CDH13: variants seen among roughly 807,000 people sequenced by gnomAD.
CDH13 encodes cadherin-13.
Under a neutral mutation model 63.8 loss-of-function variants are expected in CDH13, and 24 were observed. The ratio of observed to expected loss-of-function variants is 0.38; its 90% CI spans 0.27 to 0.53. The LOEUF is 0.53. Among genes scored for constraint, CDH13 ranks in the 20% least tolerant of loss-of-function variants. CDH13 has a pLI of 0.85. For synonymous variants in CDH13, 503 were observed against 355.3 expected (o/e 1.42, Z -4.67); for missense variants, 1,049 against 903.1 (o/e 1.16, Z -2.07).
chr16:82,884,128 C>T (rs2040801663), intron 2 of CDH13: 25 of 451,090 alleles, frequency 5.5e-5, no homozygotes, highest in South Asian at 3.9e-4. Context: ...TGATTGAATG[C>T]ATGTCTGCAT....
chr16:82,820,852 C>A (rs1445171143), intron 1 of CDH13, among the ~76,000 whole-genome samples: 1 of 152,134 alleles, frequency 6.6e-6, no homozygotes. Flanking sequence ...TAACAACCAA[C>A]GTTTGACTGC....
At chr16:83,535,283 A>G (rs950160504) in intron 7 of CDH13, among the ~76,000 whole-genome samples, 1 of 152,238 alleles carries the variant, frequency 6.6e-6, no homozygotes, top group African/African-American at 2.4e-5. Flanking sequence ...TGGCCAAATT[A>G]AGGACTTGGG....
intron 2 of CDH13, among the ~76,000 whole-genome samples, chr16:82,986,676 AAACATATCTC>A (rs1910979697): frequency 6.6e-6 from 1 of 152,170 alleles, no homozygotes; most frequent in Non-Finnish European, 1.5e-5. Context: ...CCAACCACAC[AAACATATCTC>A]AAGCCTTTGC....
chr16:83,264,564 G>GTA (rs1907378156), intron 5 of CDH13, among the ~76,000 whole-genome samples: 1 of 151,500 alleles, frequency 6.6e-6, no homozygotes, highest in Admixed American at 6.6e-5. Flanking sequence ...GTGTGTGTGT[G>GTA]TGTATACATA....
intron 3 of CDH13, among the ~76,000 whole-genome samples, chr16:83,124,205 C>T (rs1030816516): frequency 6.6e-6 from 1 of 152,092 alleles, no homozygotes; most frequent in Non-Finnish European, 1.5e-5. Flanking sequence ...GCCACCATGC[C>T]TGGCTAATTT....
At chr16:83,701,678 C>G (rs2048161592) in intron 10 of CDH13, among the ~76,000 whole-genome samples, 1 of 152,176 alleles carries the variant, frequency 6.6e-6, no homozygotes, top group African/African-American at 2.4e-5. Context: ...GCGCCCTTAT[C>G]CTCTCTTCTT....
intron 3 of CDH13, among the ~76,000 whole-genome samples, chr16:83,042,209 C>T (rs904732653): frequency 2.0e-5 from 3 of 152,202 alleles, no homozygotes; most frequent in African/African-American, 4.8e-5. Flanking sequence ...TGTTAGAAAC[C>T]GGGCTGCACT....
chr16:82,979,311 A>G (rs940064189), intron 2 of CDH13, among the ~76,000 whole-genome samples: 2 of 152,068 alleles, frequency 1.3e-5, no homozygotes, highest in African/African-American at 4.8e-5. Context: ...GACTGTTGGG[A>G]GGGCAGAATT....
intron 2 of CDH13, among the ~76,000 whole-genome samples, chr16:82,861,932 C>T (rs1364859120): frequency 1.3e-5 from 2 of 152,226 alleles, no homozygotes; most frequent in Non-Finnish European, 2.9e-5. Context: ...TTGGCTTCAT[C>T]TCAGTCTTGA....
chr16:83,277,987 C>T (rs923205849), intron 5 of CDH13, among the ~76,000 whole-genome samples: 8 of 152,226 alleles, frequency 5.3e-5, no homozygotes, highest in African/African-American at 1.9e-4. Flanking sequence ...GATCCCATGT[C>T]AACTTAATTT....
intron 10 of CDH13, chr16:83,721,546 G>C (rs1909691298): frequency 6.6e-6 from 1 of 152,238 alleles, no homozygotes; most frequent in Admixed American, 6.5e-5. Context: ...TTTGCTCTGG[G>C]AAGAGTTGCT....
chr16:82,702,268 C>T (rs1205242926), intron 1 of CDH13, among the ~76,000 whole-genome samples: 1 of 152,136 alleles, frequency 6.6e-6, no homozygotes, highest in East Asian at 1.9e-4. Context: ...TTAAACTTGC[C>T]CCTGCTCCTC....
chr16:83,259,056 G>T (rs1360596515), intron 5 of CDH13, among the ~76,000 whole-genome samples: 2 of 152,184 alleles, frequency 1.3e-5, no homozygotes, highest in African/African-American at 4.8e-5. Flanking sequence ...TGCTGGGAAG[G>T]GGGAAAATGT....
chr16:83,250,611 A>G (rs929961937), intron 5 of CDH13, among the ~76,000 whole-genome samples: 2 of 152,172 alleles, frequency 1.3e-5, no homozygotes, highest in African/African-American at 4.8e-5. Flanking sequence ...GACTCCAGCA[A>G]CCTTGGAGTA....
At chr16:83,399,461 G>A (rs1044444170) in intron 6 of CDH13, among the ~76,000 whole-genome samples, 6 of 152,162 alleles carry the variant, frequency 3.9e-5, no homozygotes, top group African/African-American at 1.4e-4. Context: ...TCTCCCATCT[G>A]TCAGATGGCC....
At chr16:83,049,217 A>G (rs2151501014) in intron 3 of CDH13, among the ~76,000 whole-genome samples, 1 of 151,812 alleles carries the variant, frequency 6.6e-6, no homozygotes, top group African/African-American at 2.4e-5. Flanking sequence ...GAAACTGTAT[A>G]CCTGTTAAGC....
At chr16:83,127,699 C>G (rs184906830) in intron 4 of CDH13, among the ~76,000 whole-genome samples, 1 of 152,312 alleles carries the variant, frequency 6.6e-6, no homozygotes, top group Admixed American at 6.5e-5. Context: ...TGTACTCCAG[C>G]ATGGGCGACA....
At chr16:83,494,704 C>G (rs2074095709) in intron 7 of CDH13, among the ~76,000 whole-genome samples, 1 of 152,154 alleles carries the variant, frequency 6.6e-6, no homozygotes, top group African/African-American at 2.4e-5. Context: ...TCAAAAGCTG[C>G]AACACTTAGA....
intron 10 of CDH13, among the ~76,000 whole-genome samples, chr16:83,722,909 G>C (rs953874699): frequency 6.6e-6 from 1 of 152,214 alleles, no homozygotes; most frequent in Non-Finnish European, 1.5e-5. Context: ...ACTACACTGA[G>C]GTCCCACTGA....
Sources: allele counts gnomAD v4.1 joint callset (sites outside exome capture counted in the v4.1 genomes callset), GRCh38; gene constraint gnomAD v4.1.1; transcripts MANE v1.5; gene names NCBI Gene and HGNC (gene_info 2026-07-23, HGNC 2026-07-21).